GAREM1: variants seen among roughly 807,000 people sequenced by gnomAD.
GAREM1 encodes GRB2-associated and regulator of MAPK protein 1.
A neutral mutation model predicts 71.3 loss-of-function variants in GAREM1; 26 were observed. The ratio of observed to expected loss-of-function variants is 0.36; its 90% confidence interval spans 0.27 to 0.51. The LOEUF is 0.51. Among genes scored for constraint, GAREM1 ranks in the 20% least tolerant of loss-of-function variants. GAREM1 has a pLI of 0.95. For missense variants in GAREM1, 1,026 were observed against 1,103.1 expected, an observed-to-expected ratio of 0.93 and a Z score of 0.99; for synonymous variants, 440 against 433.2, an observed-to-expected ratio of 1.02 and a Z score of -0.20.
At position 32,287,623 on chromosome 18, in the gene GAREM1, T is replaced by C. The variant is rs746687527; in HGVS notation, c.974A>G (p.His325Arg). 1.2e-6 allele frequency: 2 copies of C among 1,614,028 alleles called. No individual in the cohort carries two copies. Residue 325 changes from histidine (H) to arginine (R), a missense_variant, in exon 4 of 6, where the codon CAC becomes CGC. Physicochemically the swap from His to Arg is conservative, Grantham distance 29. Around this residue, in one of 3 missense-constraint regions of GAREM1, gnomAD observed 218 missense variants for 296.8 expected, o/e 0.73. Coordinates refer to ENST00000269209, the MANE Select transcript of GAREM1 (RefSeq NM_001242409.2). The surrounding 1 kb of genome is among the most constrained non-coding windows in gnomAD (Gnocchi z 5.9). ...CTGTTCTTGGCAGATACCTAGCCAG[T>C]GATGGACCAGGGTTTCGGGCCAGCT... ...GESWPETLVHHWLGICQEQFD... is the reference protein window; with the variant it reads ...GESWPETLVHRWLGICQEQFD...
intron 1 of GAREM1, among the ~76,000 whole-genome samples, chr18:32,415,658 G>C (rs761953728): frequency 1.3e-5 from 2 of 151,942 alleles, no homozygotes; most frequent in Non-Finnish European, 2.9e-5. Context: ...AAAATCATTT[G>C]ATAAAGCTCA....
intron 2 of GAREM1, among the ~76,000 whole-genome samples, chr18:32,381,069 A>G (rs529665687): frequency 1.3e-5 from 2 of 152,000 alleles, no homozygotes; most frequent in East Asian, 3.9e-4. Context: ...ACGTAAAACT[A>G]TCAAATCTTT....
rs553804946 is a variant in GAREM1, at chr18:32,376,394, C to T, written c.262+16501G>A. ...TGAAACATTATTGACGTTTACATCTCGTCACTAAAATCTGATATTAGTTAT... is the reference window on the plus strand; with the variant it reads ...TGAAACATTATTGACGTTTACATCTTGTCACTAAAATCTGATATTAGTTAT... On this transcript the variant is annotated intron_variant, in intron 2 of 5. Transcript: ENST00000269209. Among the ~76,000 whole-genome samples, 13 of 152,300 alleles carry T rather than the reference C, an allele frequency of 8.5e-5. No homozygotes were observed. In the South Asian group the frequency reaches 1.2e-3, roughly 15 times the overall value.
intron 3 of GAREM1, among the ~76,000 whole-genome samples, chr18:32,288,749 A>C (rs1165021958): frequency 1.3e-5 from 2 of 152,166 alleles, no homozygotes; most frequent in African/African-American, 4.8e-5. Flanking sequence ...TCAAATATAA[A>C]TAGAAAAAAG....
Position 32,309,067 on chromosome 18 carries a change from T to C in GAREM1, c.393+1126A>G, listed in dbSNP as rs993811118. The stretch of plus-strand genomic sequence containing the variant: ...AACAGGAATCTTGACCCCCTAAATC[T>C]TGAAATGTTTGGAAAATGTGATTTA... On this transcript the variant is annotated intron_variant, in intron 3 of 5. Coordinates refer to ENST00000269209, the MANE Select transcript of GAREM1 (RefSeq NM_001242409.2). 6.7e-5 allele frequency among the ~76,000 whole-genome samples: 10 copies of C among 150,342 alleles called. 2 individuals carry two copies. The highest frequency in any genetic ancestry group is 2.2e-4 in the African/African-American group (9 of 40,610).
chr18:32,382,348 C>G (rs937119515), intron 2 of GAREM1, among the ~76,000 whole-genome samples: 5 of 152,088 alleles, frequency 3.3e-5, no homozygotes, highest in African/African-American at 1.2e-4. Context: ...CCGGATTTCA[C>G]TATTCTTCTT....
At chr18:32,406,862 G>A (rs1188929494) in intron 1 of GAREM1, among the ~76,000 whole-genome samples, 2 of 152,102 alleles carry the variant, frequency 1.3e-5, no homozygotes, top group South Asian at 4.1e-4. Context: ...TGAAGAGGAA[G>A]GAACAGACAC....
At chr18:32,468,788 T>C (rs974721317) in intron 1 of GAREM1, among the ~76,000 whole-genome samples, 6 of 151,986 alleles carry the variant, frequency 3.9e-5, no homozygotes, top group Non-Finnish European at 8.8e-5. Flanking sequence ...TGAGAGAAGG[T>C]AGGAAAAGGT....
intron 1 of GAREM1, chr18:32,412,195 G>C (rs1259403607): frequency 3.9e-6 from 6 of 1,558,300 alleles, no homozygotes; most frequent in Non-Finnish European, 5.2e-6. Context: ...CTCCTCTCCT[G>C]CTAAGCTTTG....
chr18:32,417,011 C>A (rs2048472196), intron 1 of GAREM1, among the ~76,000 whole-genome samples: 1 of 152,044 alleles, frequency 6.6e-6, no homozygotes, highest in African/African-American at 2.4e-5. Context: ...GGGGCTCAAA[C>A]AACTCTATAG....
In GAREM1 at chr18:32,386,753, AT is replaced by A. The variant is rs1451185291; in HGVS notation, c.262+6141del. On this transcript the variant is annotated intron_variant, in intron 2 of 5. Coordinates refer to ENST00000269209, the MANE Select transcript of GAREM1 (RefSeq NM_001242409.2). ...ATATAGACACTTCATGTTCTGATCC[AT>A]TTGGTTTCTCAAAGCTGTCTCTTGC... Among the ~76,000 whole-genome samples, 5 of 152,282 alleles carry A rather than the reference AT, an allele frequency of 3.3e-5. No homozygotes were observed. In the East Asian group the frequency reaches 7.7e-4, roughly 24 times the overall value.
intron 2 of GAREM1, among the ~76,000 whole-genome samples, chr18:32,340,105 G>A (rs1309621157): frequency 6.6e-6 from 1 of 152,156 alleles, no homozygotes; most frequent in East Asian, 1.9e-4. Context: ...TGTCCTCATG[G>A]AGCTTATGTT....
At chr18:32,462,836 A>G (rs181153810) in intron 1 of GAREM1, among the ~76,000 whole-genome samples, 161 of 152,318 alleles carry the variant, frequency 1.1e-3, no homozygotes, top group African/African-American at 3.7e-3. Context: ...ATAGGGGTCC[A>G]GCAATCCCAC....
intron 2 of GAREM1, among the ~76,000 whole-genome samples, chr18:32,344,162 C>T (rs73956895): frequency 0.084 from 12,815 of 152,120 alleles, 907 homozygotes; most frequent in African/African-American, 0.19. Flanking sequence ...CCTTCCTCCC[C>T]GCCTCCTCAC....
chr18:32,333,825 T>A (rs984755878), intron 2 of GAREM1, among the ~76,000 whole-genome samples: 2 of 152,176 alleles, frequency 1.3e-5, no homozygotes, highest in African/African-American at 4.8e-5. Context: ...TCTAGGTGCT[T>A]ATCATTGGTG....
rs761082856 is a variant in GAREM1 at position 32,287,055 on chromosome 18, A to G, written c.1542T>C (p.Pro514=). 3 of 1,613,522 alleles carry G rather than the reference A, an allele frequency of 1.9e-6. No individual in the cohort carries two copies. The highest frequency in any genetic ancestry group is 2.5e-6 in the Non-Finnish European group (3 of 1,179,576). The change falls in exon 4 of 6, where the codon CCT becomes CCC. Residue 514 remains proline, a synonymous_variant. Coordinates refer to ENST00000269209, the MANE Select transcript of GAREM1 (RefSeq NM_001242409.2). This position sits in a 1 kb window ranked among gnomAD's most constrained non-coding sequence, Gnocchi z 5.9. Reference sequence around the variant, plus strand: ...CGGCTTCAGATTTGGGAGGCACTGGAGGTGGAGGTAGGGCAGTATCTGAAG... The same window carrying G: ...CGGCTTCAGATTTGGGAGGCACTGGGGGTGGAGGTAGGGCAGTATCTGAAG... ...VKSSDTALPP[P]PVPPKSEAVR...
In GAREM1 at chr18:32,287,179, C is replaced by T. The variant is rs1339489434; in HGVS notation, c.1418G>A (p.Ser473Asn). ...AAACTGATCACATCTGTTCTTCTCGCTCAGAGAGCGAGTGAGAGGCTGATG... is the reference window on the plus strand; with the variant it reads ...AAACTGATCACATCTGTTCTTCTCGTTCAGAGAGCGAGTGAGAGGCTGATG... ...PSHQPLTRSLSEKNRCDQFRG... is the reference protein window; with the variant it reads ...PSHQPLTRSLNEKNRCDQFRG... The change falls in exon 4 of 6, where the codon AGC (serine) becomes AAC (asparagine). Residue 473 changes from serine to asparagine, a missense_variant. Around this residue, in one of 3 missense-constraint regions of GAREM1, gnomAD observed 636 missense variants for 631.2 expected, o/e 1.01. Coordinates refer to ENST00000269209, the MANE Select transcript of GAREM1 (RefSeq NM_001242409.2). This position sits in a 1 kb window ranked among gnomAD's most constrained non-coding sequence, Gnocchi z 5.9. The T allele has an allele frequency of 1.9e-6, 3 of 1,614,270 alleles. No individual in the cohort carries two copies. Among genetic ancestry groups the T allele is most frequent in the Middle Eastern group, 1.6e-4 (1 of 6,062 alleles).
At chr18:32,347,439 G>A (rs1295952997) in intron 2 of GAREM1, among the ~76,000 whole-genome samples, 1 of 152,170 alleles carries the variant, frequency 6.6e-6, no homozygotes, top group African/African-American at 2.4e-5. Context: ...CTCATGTCCT[G>A]GTTGAGGGAG....
At chr18:32,315,919 C>T (rs2047373833) in intron 2 of GAREM1, among the ~76,000 whole-genome samples, 1 of 152,082 alleles carries the variant, frequency 6.6e-6, no homozygotes. Context: ...TTAATATAAC[C>T]ACCTTTATCC....
Sources: gnomAD v4.1 joint callset for allele counts (sites outside exome capture counted in the v4.1 genomes callset) on GRCh38, gnomAD v4.1.1 for gene constraint, gnomAD v4.1.1 regional missense constraint, Gnocchi (gnomAD v3.1) non-coding constraint, MANE v1.5 for transcripts, NCBI Gene and HGNC (gene_info 2026-07-23, HGNC 2026-07-21) for gene names.